The following CDH18 variants were observed in gnomAD, a reference collection of about 807,000 sequenced individuals.
CDH18 encodes cadherin-18.
Under a neutral mutation model 67.9 loss-of-function variants are expected in CDH18, and 31 were observed. The observed-to-expected ratio is 0.46, with a 90% CI of 0.34 to 0.62. CDH18 has a LOEUF of 0.62. Among genes scored for constraint, CDH18 ranks in the 20% least tolerant of loss-of-function variants. The pLI is 0.01. For missense variants in CDH18, 890 were observed against 975.5 expected (o/e 0.91, Z 1.17); for synonymous variants, 362 against 347.2 (o/e 1.04, Z -0.48).
chr5:19,633,320 C>T (rs2150188779), intron 5 of CDH18, among the ~76,000 whole-genome samples: 1 of 152,158 alleles, frequency 6.6e-6, no homozygotes, highest in African/African-American at 2.4e-5. Flanking sequence ...TAGAAATCAC[C>T]AAAATAATTC....
chr5:19,653,840 C>T lies in CDH18; in HGVS notation c.644-41239G>A, dbSNP rs968340740. On this transcript the variant is annotated intron_variant, in intron 5 of 12. Transcript: ENST00000382275. ...TGGCCTGCACTTGGCTCAAGGTAAA[C>T]GGGAGAATTCCATGCCTTTGCCTGA... 7.2e-5 allele frequency among the ~76,000 whole-genome samples: 11 copies of T among 152,190 alleles called. No homozygotes were observed. The East Asian group carries it at 9.7e-4, about 13-fold the overall frequency.
At chr5:20,366,263 T>C (rs917771112) in intron 1 of CDH18, among the ~76,000 whole-genome samples, 4 of 152,170 alleles carry the variant, frequency 2.6e-5, no homozygotes, top group African/African-American at 9.7e-5. Flanking sequence ...GAATAATGAT[T>C]GATGCATCTT....
chr5:20,449,640 A>G (rs1431783150), intron 1 of CDH18, among the ~76,000 whole-genome samples: 1 of 152,026 alleles, frequency 6.6e-6, no homozygotes, highest in Non-Finnish European at 1.5e-5. Flanking sequence ...CTACATATGT[A>G]CATGTATGTA....
chr5:20,152,006 CT>C (rs1446397341), intron 2 of CDH18, among the ~76,000 whole-genome samples: 1 of 150,168 alleles, frequency 6.7e-6, no homozygotes, highest in Non-Finnish European at 1.5e-5. Context: ...GTGTGTAGAA[CT>C]AGAAGTTCAA....
rs549268145 is a variant in CDH18 at position 20,482,472 on chromosome 5, A to C, written c.-580+92990T>G. Among the ~76,000 whole-genome samples, 36 of 152,092 alleles carry C rather than the reference A, an allele frequency of 2.4e-4. No homozygotes were observed. The East Asian group carries it at 6.8e-3, about 29-fold the overall frequency. ...CCCTGATACCAAAATTAGACAAAGA[A>C]AAATACAAAAAAGGCCAATATTCTT... is the stretch of plus-strand genomic sequence containing the variant. On this transcript the variant is annotated intron_variant, in intron 1 of 14. Coordinates refer to the CDH18 transcript ENST00000507958.
chr5:20,065,915 AAGTTT>A (rs1005517707), intron 2 of CDH18, among the ~76,000 whole-genome samples: 2 of 151,800 alleles, frequency 1.3e-5, no homozygotes, highest in Non-Finnish European at 2.9e-5. Context: ...TGTTTAACAT[AAGTTT>A]ATATTTTGCT....
At chr5:20,190,719 C>T (rs1330619657) in intron 2 of CDH18, among the ~76,000 whole-genome samples, 1 of 152,058 alleles carries the variant, frequency 6.6e-6, no homozygotes, top group Non-Finnish European at 1.5e-5. Flanking sequence ...CCCGTAATTA[C>T]CATTGACTCC....
intron 2 of CDH18, among the ~76,000 whole-genome samples, chr5:20,251,935 T>G (rs78306829): frequency 0.018 from 2,699 of 152,194 alleles, 72 homozygotes; most frequent in African/African-American, 0.062. Flanking sequence ...ATCTAAAAAG[T>G]TAGGAAACTA....
intron 1 of CDH18, among the ~76,000 whole-genome samples, chr5:20,444,779 CTTTT>C (rs60852616): frequency 2.1e-5 from 3 of 141,892 alleles, no homozygotes; most frequent in South Asian, 4.4e-4. Context: ...TTTTTTCTTT[CTTTT>C]TTTTTTTTTT....
intron 1 of CDH18, among the ~76,000 whole-genome samples, chr5:20,355,467 C>T (rs1236295164): frequency 6.6e-6 from 1 of 152,074 alleles, no homozygotes; most frequent in Non-Finnish European, 1.5e-5. Flanking sequence ...CAATACCCTG[C>T]TTGAAAGATA....
intron 2 of CDH18, among the ~76,000 whole-genome samples, chr5:20,052,740 A>G (rs560864251): frequency 7.9e-5 from 12 of 152,254 alleles, no homozygotes; most frequent in Non-Finnish European, 1.6e-4. Context: ...TTCACAAAAA[A>G]TAGTAATAGA....
chr5:19,749,606 T>C (rs2149662787), intron 3 of CDH18, among the ~76,000 whole-genome samples: 1 of 150,874 alleles, frequency 6.6e-6, no homozygotes, highest in South Asian at 2.1e-4. Flanking sequence ...CTTAAGGATA[T>C]TTAAAGAAGA....
chr5:20,012,136 G>A (rs547371115), intron 2 of CDH18, among the ~76,000 whole-genome samples: 1 of 151,668 alleles, frequency 6.6e-6, no homozygotes, highest in East Asian at 1.9e-4. Flanking sequence ...TCTGTTCCAT[G>A]GTTCAATTTC....
At chr5:20,082,986 A>C (rs1394524225) in intron 2 of CDH18, among the ~76,000 whole-genome samples, 1 of 152,148 alleles carries the variant, frequency 6.6e-6, no homozygotes, top group East Asian at 1.9e-4. Context: ...TAACCACTTG[A>C]ATTTGCTAAT....
chr5:20,260,853 A>G (rs1216135058), intron 1 of CDH18, among the ~76,000 whole-genome samples: 1 of 152,230 alleles, frequency 6.6e-6, no homozygotes, highest in African/African-American at 2.4e-5. Context: ...TGGGAAAACT[A>G]GTTCTACAAC....
At chr5:20,565,594 C>T (rs1486511178) in intron 1 of CDH18, among the ~76,000 whole-genome samples, 1 of 151,864 alleles carries the variant, frequency 6.6e-6, no homozygotes, top group Admixed American at 6.6e-5. Context: ...TATTCTGGTA[C>T]TCTCATCTTT....
chr5:19,988,307 C>T (rs77926471), upstream of CDH18: 1,642 of 153,178 alleles, frequency 0.011, 8 homozygotes, highest in Non-Finnish European at 0.016. Context: ...TGCGCTCTCC[C>T]GGTCTCTCCT....
At chr5:20,364,693 G>T (rs1181229206) in intron 1 of CDH18, among the ~76,000 whole-genome samples, 1 of 152,048 alleles carries the variant, frequency 6.6e-6, no homozygotes. Flanking sequence ...AATGATTAGT[G>T]CTCCCCATAA....
At chr5:19,485,139 A>G (rs1740160171) in intron 11 of CDH18, among the ~76,000 whole-genome samples, 1 of 151,964 alleles carries the variant, frequency 6.6e-6, no homozygotes, top group Non-Finnish European at 1.5e-5. Flanking sequence ...AAATATGCAC[A>G]TACATACATA....
Sources: allele counts gnomAD v4.1 joint callset (sites outside exome capture counted in the v4.1 genomes callset), GRCh38; gene constraint gnomAD v4.1.1; transcripts MANE v1.5; gene names NCBI Gene and HGNC (gene_info 2026-07-23, HGNC 2026-07-21).